The following ADAMTS13 variants were observed in gnomAD, a reference collection of about 807,000 sequenced individuals.
ADAMTS13 encodes A disintegrin and metalloproteinase with thrombospondin motifs 13.
In ADAMTS13, 110 loss-of-function variants were observed where a neutral mutation model predicts 155.1. The observed-to-expected ratio is 0.71, with a 90% CI of 0.61 to 0.83. The LOEUF is 0.83. Among genes scored for constraint, ADAMTS13 ranks in the 40% least tolerant of loss-of-function variants. ADAMTS13 has a pLI of 0.00. For missense variants in ADAMTS13, 1,707 were observed against 1,891.7 expected (o/e 0.90, Z 1.81); for synonymous variants, 758 against 756.4 (o/e 1.00, Z -0.03).
intron 27 of ADAMTS13, chr9:133,457,006 A>G (rs1019155265): frequency 1.4e-5 from 7 of 496,288 alleles, no homozygotes; most frequent in Non-Finnish European, 2.6e-5. Flanking sequence ...CCCCACACCC[A>G]CCTGCCCCGC....
intron 1 of ADAMTS13, chr9:133,415,126 A>C: frequency 1.3e-6 from 1 of 781,772 alleles, no homozygotes; most frequent in South Asian, 2.0e-5. Flanking sequence ...ACATCTATAC[A>C]ATTCCCATCC....
At position 133,437,820 on chromosome 9, in the gene ADAMTS13, C is replaced by T; in HGVS notation, c.1507C>T (p.Leu503Phe). ...CATCATGAAGCGTGGAGACAGCTTC[C>T]TCGATGGGACCCGGTGTATGCCAAG... ...SFIMKRGDSF[L>F]DGTRCMPSGP... Residue 503 changes from leucine (L) to phenylalanine (F), a missense_variant, in exon 13 of 29, where the codon CTC becomes TTC. Around this residue, in one of 3 missense-constraint regions of ADAMTS13, gnomAD observed 733 missense variants for 749.6 expected, o/e 0.98. Coordinates refer to ENST00000355699, the MANE Select transcript of ADAMTS13 (RefSeq NM_139027.6). 1 of 1,614,000 alleles carries T rather than the reference C, an allele frequency of 6.2e-7. No individual in the cohort carries two copies. The highest frequency in any genetic ancestry group is 8.5e-7 in the Non-Finnish European group (1 of 1,180,046).
chr9:133,439,161 C>T (rs929702766), intron 14 of ADAMTS13, among the ~76,000 whole-genome samples: 10 of 152,298 alleles, frequency 6.6e-5, no homozygotes, highest in Middle Eastern at 3.4e-3. Context: ...ACCTTGGACC[C>T]GGTCCCTTCT....
intron 23 of ADAMTS13, among the ~76,000 whole-genome samples, chr9:133,452,874 C>G (rs907602342): frequency 6.6e-6 from 1 of 152,196 alleles, no homozygotes; most frequent in African/African-American, 2.4e-5. Flanking sequence ...GGGATACTCC[C>G]CTGACTTAGG....
chr9:133,426,435 T>C, intron 6 of ADAMTS13, 90 bp downstream of exon 6: 1 of 1,535,372 alleles, frequency 6.5e-7, no homozygotes, highest in Non-Finnish European at 8.8e-7. Flanking sequence ...CAGTGGGTCC[T>C]TGTAGAGTTT....
rs4962152 is a variant in ADAMTS13 at position 133,446,943 on chromosome 9, C to T, written c.2731+1124C>T. Among the ~76,000 whole-genome samples the T allele has an allele frequency of 2.6e-3, 397 of 152,246 alleles. 3 individuals are homozygous for T. The highest frequency in any genetic ancestry group is 0.023 in the East Asian group (120 of 5,186). ...CATGATCTTGGCTCATTGTAACCTT[C>T]GCCTCCGGGGCTCAAGTGATTCTCG... On this transcript the variant is annotated intron_variant, in intron 21 of 28. Coordinates refer to ENST00000355699, the MANE Select transcript of ADAMTS13 (RefSeq NM_139027.6).
Position 133,425,730 on chromosome 9 carries a change from A to C in ADAMTS13, c.414+118A>C. 1 of 1,404,570 alleles carries C rather than the reference A, an allele frequency of 7.1e-7. No individual in the cohort carries two copies. Among genetic ancestry groups the C allele is most frequent in the South Asian group, 1.2e-5 (1 of 81,140 alleles). The allele number at this position is 1,404,570 out of a possible 1,614,324, so 87.0% of individuals were successfully genotyped here. On this transcript the variant is annotated intron_variant, in intron 4 of 28. Transcript: ENST00000355699. This position sits in a 1 kb window ranked among gnomAD's most constrained non-coding sequence, Gnocchi z 4.6. ...CCAAGCAGCATGGATCACAGAATGC[A>C]TTCAGCCAGACAGACCAGCTGCCCT...
In ADAMTS13 at chr9:133,424,035, C is replaced by T. The variant is rs1840115906; in HGVS notation, c.173-286C>T. ...GAAACACCTGTGCCCAGAGCAGGGT[C>T]CAGGAGGCAGGGCAGGGGCTTTCCC... On this transcript the variant is annotated intron_variant, in intron 2 of 28. Transcript: ENST00000355699. This position sits in a 1 kb window ranked among gnomAD's most constrained non-coding sequence, Gnocchi z 4.3. Among the ~76,000 whole-genome samples the T allele has an allele frequency of 6.6e-6, 1 of 152,218 alleles. No individual in the cohort carries two copies. Among genetic ancestry groups the T allele is most frequent in the African/African-American group, 2.4e-5 (1 of 41,470 alleles).
At position 133,441,250 on chromosome 9, in the gene ADAMTS13, C is replaced by T. The variant is rs939252246; in HGVS notation, c.1968+725C>T. 3.9e-5 allele frequency among the ~76,000 whole-genome samples: 6 copies of T among 152,274 alleles called. No individual in the cohort carries two copies. The highest frequency in any genetic ancestry group is 1.9e-4 in the East Asian group (1 of 5,186). On this transcript the variant is annotated intron_variant, in intron 16 of 28. Transcript: ENST00000355699. This position sits in a 1 kb window ranked among gnomAD's most constrained non-coding sequence, Gnocchi z 5.0. ...GCCGGAGCAGCGTCCTCTGCCCCTACAGCAGCCAGAGACAGGAGGGCCTCC... is the reference window on the plus strand; with the variant it reads ...GCCGGAGCAGCGTCCTCTGCCCCTATAGCAGCCAGAGACAGGAGGGCCTCC...
intron 11 of ADAMTS13, among the ~76,000 whole-genome samples, chr9:133,435,564 C>G (rs954697874): frequency 9.5e-5 from 14 of 147,300 alleles, no homozygotes; most frequent in African/African-American, 3.5e-4. Context: ...GAGTCTCGCT[C>G]TGTCGCCCAA....
At chr9:133,427,209 T>A (rs145145781) in intron 6 of ADAMTS13, among the ~76,000 whole-genome samples, 1 of 152,362 alleles carries the variant, frequency 6.6e-6, no homozygotes, top group Non-Finnish European at 1.5e-5. Flanking sequence ...GTAATTTATT[T>A]AATCAGTCCC....
Position 133,445,159 on chromosome 9 carries a change from C to T in ADAMTS13, c.2610+107C>T. 1 of 1,300,274 alleles carries T rather than the reference C, an allele frequency of 7.7e-7. No individual in the cohort carries two copies. Among genetic ancestry groups the T allele is most frequent in the East Asian group, 2.5e-5 (1 of 39,524 alleles). The allele number at this position is 1,300,274 out of a possible 1,614,324, so 80.5% of individuals were successfully genotyped here. A position where few individuals can be genotyped will look rare whatever the true frequency, so the allele number is the denominator to read the frequency against. ...GTCCTCCAGGCCAGAGCAAGAACACCATCCTTCTGTGGGAATGCTGTCTGA... is the reference window on the plus strand; with the variant it reads ...GTCCTCCAGGCCAGAGCAAGAACACTATCCTTCTGTGGGAATGCTGTCTGA... On this transcript the variant is annotated intron_variant, in intron 20 of 28. Transcript: ENST00000355699. The surrounding 1 kb of genome is among the most constrained non-coding windows in gnomAD (Gnocchi z 5.0).
chr9:133,431,875 C>T (rs1285409212), intron 8 of ADAMTS13, among the ~76,000 whole-genome samples: 2 of 152,076 alleles, frequency 1.3e-5, no homozygotes, highest in South Asian at 2.1e-4. Flanking sequence ...AGGATGGTCT[C>T]GCTCTCCTGA....
intron 13 of ADAMTS13, 143 bp from the exon 14 acceptor site, chr9:133,438,103 C>G: frequency 6.6e-7 from 1 of 1,506,228 alleles, no homozygotes; most frequent in Non-Finnish European, 9.1e-7. Flanking sequence ...GCCCTCTAAG[C>G]TTGCTTCCTG....
chr9:133,418,519 A>G (rs966192525), upstream of ADAMTS13, among the ~76,000 whole-genome samples: 10 of 152,206 alleles, frequency 6.6e-5, no homozygotes, highest in Non-Finnish European at 2.9e-5. Context: ...GTAGAAGGAA[A>G]GGGCTTTATT....
Position 133,441,984 on chromosome 9 carries a change from A to G in ADAMTS13, c.1969-415A>G, listed in dbSNP as rs1423658298. Among the ~76,000 whole-genome samples the G allele has an allele frequency of 1.3e-5, 2 of 151,994 alleles. No individual in the cohort carries two copies. Among genetic ancestry groups the G allele is most frequent in the East Asian group, 3.9e-4 (2 of 5,180 alleles). On this transcript the variant is annotated intron_variant, in intron 16 of 28. Transcript: ENST00000355699. The surrounding 1 kb of genome is among the most constrained non-coding windows in gnomAD (Gnocchi z 5.0). ...TACCCTATCATGTAACCCACCAATG[A>G]CTTGGTAATTACCTCCCCGAGCCCT...
intron 8 of ADAMTS13, 42 bp downstream of exon 8, chr9:133,430,143 C>T: frequency 1.3e-6 from 2 of 1,550,334 alleles, no homozygotes; most frequent in South Asian, 1.2e-5. Flanking sequence ...TGTGAGGTCC[C>T]TCCGCATCAC....
chr9:133,425,532 G>T lies in ADAMTS13; in HGVS notation c.334G>T (p.Ala112Ser), dbSNP rs782188741. The change falls in exon 4 of 29, where the codon GCA becomes TCA. Residue 112 changes from alanine to serine, a missense_variant. By Grantham distance (99) the Ala-to-Ser change is moderately conservative. Transcript: ENST00000355699. The surrounding 1 kb of genome is among the most constrained non-coding windows in gnomAD (Gnocchi z 4.6). ...TCTCTCATCTGCCCTTGCACAGGGG[G>T]CAGAACTGCTTCGGGACCCGTCCCT... ...RYVLTNLNIG[A>S]ELLRDPSLGA... 1.1e-5 allele frequency: 17 copies of T among 1,612,892 alleles called. No individual in the cohort carries two copies. The highest frequency in any genetic ancestry group is 3.3e-5 in the South Asian group (3 of 90,888).
intron 11 of ADAMTS13, 53 bp from the exon 12 acceptor site, chr9:133,436,776 A>AGGGGGGG: frequency 4.2e-6 from 3 of 715,602 alleles, no homozygotes; most frequent in Non-Finnish European, 6.7e-6. Context: ...CCCAGTGACA[A>AGGGGGGG]CACCCGCCCC....
Sources: allele counts gnomAD v4.1 joint callset (sites outside exome capture counted in the v4.1 genomes callset), GRCh38; gene constraint gnomAD v4.1.1; regional missense constraint gnomAD v4.1.1; non-coding constraint Gnocchi (gnomAD v3.1); transcripts MANE v1.5; gene names NCBI Gene and HGNC (gene_info 2026-07-23, HGNC 2026-07-21).